The following CRTC3 variants were observed in gnomAD, a reference collection of about 807,000 sequenced individuals.
The protein encoded by CRTC3 is CREB-regulated transcription coactivator 3.
CRTC3 carries 26 observed loss-of-function variants against 74.5 expected under a neutral mutation model. The ratio of observed to expected loss-of-function variants is 0.35; its 90% CI spans 0.26 to 0.48. CRTC3 has a LOEUF of 0.48. Among genes scored for constraint, CRTC3 ranks in the 20% least tolerant of loss-of-function variants. CRTC3 has a pLI of 0.99. For synonymous variants in CRTC3, 377 were observed against 325.8 expected, an observed-to-expected ratio of 1.16 and a Z score of -1.69; for missense variants, 760 against 787.3, an observed-to-expected ratio of 0.97 and a Z score of 0.41.
chr15:90,641,978 A>C lies in CRTC3; in HGVS notation c.1698A>C (p.Ala566=). ...TCAAAGACCTCAACAGTGCGCTGGC[A>C]GGCCTGCCTGAGGTCAGCCTGAACG... ...SLFKDLNSAL[A]GLPEVSLNVD... is the part of the protein sequence containing the mutation. Residue 566 remains alanine, a synonymous_variant, in exon 15 of 15, where the codon GCA becomes GCC. Coordinates refer to ENST00000268184, the MANE Select transcript of CRTC3 (RefSeq NM_022769.5). 1.9e-6 allele frequency: 3 copies of C among 1,613,836 alleles called. No individual in the cohort carries two copies. In the South Asian group the frequency reaches 3.3e-5, roughly 18 times the overall value.
chr15:90,542,239 C>T (rs1378410824), intron 2 of CRTC3, among the ~76,000 whole-genome samples: 4 of 150,044 alleles, frequency 2.7e-5, no homozygotes, highest in African/African-American at 4.9e-5. Context: ...AGTGCAATAG[C>T]GCGATCTCAG....
chr15:90,534,988 C>T (rs1701431814), intron 1 of CRTC3, among the ~76,000 whole-genome samples: 2 of 151,908 alleles, frequency 1.3e-5, no homozygotes, highest in African/African-American at 4.8e-5. Flanking sequence ...GGAGAAACCC[C>T]GTCTCTACTA....
chr15:90,587,064 C>T (rs1454679608), intron 2 of CRTC3, among the ~76,000 whole-genome samples: 1 of 152,172 alleles, frequency 6.6e-6, no homozygotes, highest in Non-Finnish European at 1.5e-5. Context: ...TACATCTACC[C>T]AAACAGTTAA....
At chr15:90,617,813 G>A in intron 7 of CRTC3, 70 bp from the exon 8 acceptor site, 1 of 1,027,508 alleles carries the variant, frequency 9.7e-7, no homozygotes, top group Non-Finnish European at 1.5e-6. Flanking sequence ...TTATAGGCGT[G>A]AGCCACCGTG....
intron 2 of CRTC3, among the ~76,000 whole-genome samples, chr15:90,581,340 A>G (rs1967536280): frequency 6.6e-6 from 1 of 152,246 alleles, no homozygotes; most frequent in Admixed American, 6.5e-5. Context: ...TGCTTTATTT[A>G]GAATTACCAT....
chr15:90,610,438 C>G (rs1968330429), intron 6 of CRTC3, among the ~76,000 whole-genome samples: 1 of 152,070 alleles, frequency 6.6e-6, no homozygotes, highest in Admixed American at 6.6e-5. Flanking sequence ...ACTACATGAG[C>G]AATAAACTAT....
chr15:90,560,825 G>A (rs1202283011), intron 2 of CRTC3, among the ~76,000 whole-genome samples: 1 of 152,212 alleles, frequency 6.6e-6, no homozygotes, highest in Non-Finnish European at 1.5e-5. Context: ...TTGTGGAGAT[G>A]TCTCACATAA....
rs115994731 is a variant in CRTC3 at position 90,544,713 on chromosome 15, C to G, written c.231+4576C>G. On this transcript the variant is annotated intron_variant, in intron 2 of 14. Transcript: ENST00000268184. The stretch of plus-strand genomic sequence containing the variant: ...TATAAGAAATCGCCAAGCTGTTCTC[C>G]AAAGTGGCTCTACTGTTTCACATTC... 1.9e-3 allele frequency among the ~76,000 whole-genome samples: 294 copies of G among 152,308 alleles called. 2 individuals carry two copies. The highest frequency in any genetic ancestry group is 6.4e-3 in the African/African-American group (266 of 41,564).
intron 2 of CRTC3, among the ~76,000 whole-genome samples, chr15:90,592,384 G>A (rs28679606): frequency 6.4e-4 from 98 of 152,288 alleles, no homozygotes; most frequent in African/African-American, 2.2e-3. Flanking sequence ...CCTTAATGCT[G>A]GAGGGGATGG....
At position 90,577,807 on chromosome 15, in the gene CRTC3, G is replaced by A. The variant is rs557294279; in HGVS notation, c.232-15829G>A. On this transcript the variant is annotated intron_variant, in intron 2 of 14. Transcript: ENST00000268184. ...TATCGCATGTTCTCACTCATATGTC[G>A]GAGCTAAAAAAGTAGATACCACAAT... is the stretch of plus-strand genomic sequence containing the variant. Among the ~76,000 whole-genome samples, 15 of 152,252 alleles carry A rather than the reference G, an allele frequency of 9.9e-5. No individual in the cohort carries two copies. The South Asian group carries it at 1.2e-3, about 13-fold the overall frequency.
intron 2 of CRTC3, among the ~76,000 whole-genome samples, chr15:90,546,083 T>G (rs1966843858): frequency 6.6e-6 from 1 of 152,216 alleles, no homozygotes; most frequent in Non-Finnish European, 1.5e-5. Context: ...TTTTATGATT[T>G]GTGCTTTTGT....
chr15:90,544,512 A>G (rs1023655945), intron 2 of CRTC3, among the ~76,000 whole-genome samples: 4 of 152,214 alleles, frequency 2.6e-5, no homozygotes, highest in African/African-American at 7.2e-5. Context: ...GTAGAATTCC[A>G]TTCTATGGAT....
In CRTC3 at chr15:90,634,757, A is replaced by G. The variant is rs1230903552; in HGVS notation, c.1267-3689A>G. On this transcript the variant is annotated intron_variant, in intron 11 of 14. Coordinates refer to ENST00000268184, the MANE Select transcript of CRTC3 (RefSeq NM_022769.5). ...GACAAGCGTGTAGAAAGTTTTTTCC[A>G]CTCTCTGACTGAGTATTGGTTGGAA... 3 of 1,040,924 alleles carry G rather than the reference A, an allele frequency of 2.9e-6. No individual in the cohort carries two copies. In the African/African-American group the frequency reaches 4.7e-5, roughly 16 times the overall value. The allele number at this position is 1,040,924 out of a possible 1,614,324, so 64.5% of individuals were successfully genotyped here.
At chr15:90,578,980 C>A (rs994004834) in intron 2 of CRTC3, among the ~76,000 whole-genome samples, 1 of 151,478 alleles carries the variant, frequency 6.6e-6, no homozygotes, top group Non-Finnish European at 1.5e-5. Context: ...TGGATCTTTG[C>A]CTGTACAGTT....
chr15:90,542,466 A>G (rs1354453834), intron 2 of CRTC3, among the ~76,000 whole-genome samples: 3 of 152,178 alleles, frequency 2.0e-5, no homozygotes, highest in Non-Finnish European at 4.4e-5. Context: ...GGCATGAACT[A>G]CTGTGCCCTG....
At chr15:90,627,035 A>G (rs906865597) in intron 10 of CRTC3, among the ~76,000 whole-genome samples, 1 of 152,260 alleles carries the variant, frequency 6.6e-6, no homozygotes, top group African/African-American at 2.4e-5. Context: ...AGGGATGCTC[A>G]GTGATGGTCT....
chr15:90,585,452 TTCC>T (rs1404883105), intron 2 of CRTC3, among the ~76,000 whole-genome samples: 1 of 122,888 alleles, frequency 8.1e-6, no homozygotes, highest in African/African-American at 2.8e-5. Flanking sequence ...GTCTGGAAAA[TTCC>T]TTAATATTTT....
intron 2 of CRTC3, among the ~76,000 whole-genome samples, chr15:90,546,659 G>A (rs1372771110): frequency 6.6e-6 from 1 of 152,096 alleles, no homozygotes; most frequent in African/African-American, 2.4e-5. Flanking sequence ...GTCTCACTCT[G>A]TTGCCCAGGC....
At chr15:90,613,359 G>T (rs375411967) in intron 6 of CRTC3, among the ~76,000 whole-genome samples, 2 of 152,054 alleles carry the variant, frequency 1.3e-5, no homozygotes, top group African/African-American at 4.8e-5. Flanking sequence ...TGGTTCTGTG[G>T]GCCTGAAAGA....
Sources: gnomAD v4.1 joint callset for allele counts (sites outside exome capture counted in the v4.1 genomes callset) on GRCh38, gnomAD v4.1.1 for gene constraint, MANE v1.5 for transcripts, NCBI Gene and HGNC (gene_info 2026-07-23, HGNC 2026-07-21) for gene names.